The following SMYD3 variants were observed in gnomAD, a reference collection of about 807,000 sequenced individuals.
SMYD3 encodes the protein SET and MYND domain containing 3.
A neutral mutation model predicts 57.7 loss-of-function variants in SMYD3; 36 were observed. That is an observed-to-expected ratio of 0.62 (90% CI 0.48 to 0.82). The LOEUF is 0.82. Ranked by LOEUF, SMYD3 falls within the 40% of genes least tolerant of loss-of-function variation. SMYD3 has a pLI of 0.00. For synonymous variants in SMYD3, 211 were observed against 195.0 expected, an observed-to-expected ratio of 1.08 and a Z score of -0.68; for missense variants, 515 against 538.8, an observed-to-expected ratio of 0.96 and a Z score of 0.44.
intron 5 of SMYD3, among the ~76,000 whole-genome samples, chr1:246,208,582 T>C (rs12130834): frequency 0.39 from 59,372 of 151,932 alleles, 12,777 homozygotes; most frequent in East Asian, 0.79. Context: ...AACACGCAGC[T>C]CCTATTAGGG....
chr1:245,976,550 A>ATGTTATTGT (rs2058431936), intron 5 of SMYD3, among the ~76,000 whole-genome samples: 1 of 33,978 alleles, frequency 2.9e-5, no homozygotes, highest in Non-Finnish European at 6.9e-5. Flanking sequence ...TCTCTAGCCT[A>ATGTTATTGT]GGGAAAGCCA....
At chr1:245,814,852 A>C (rs2048705181) in intron 10 of SMYD3, among the ~76,000 whole-genome samples, 1 of 147,964 alleles carries the variant, frequency 6.8e-6, no homozygotes. Flanking sequence ...ATGCACGCAC[A>C]CACACGCAAG....
intron 5 of SMYD3, among the ~76,000 whole-genome samples, chr1:246,205,472 A>G (rs745543309): frequency 6.6e-5 from 10 of 152,180 alleles, no homozygotes; most frequent in Non-Finnish European, 1.3e-4. Flanking sequence ...ACTCTCATAC[A>G]TCTCTGCTTT....
Position 246,432,621 on chromosome 1 carries a change from C to T in SMYD3, c.164+74433G>A, listed in dbSNP as rs147260586. On this transcript the variant is annotated intron_variant, in intron 1 of 11. Transcript: ENST00000490107. ...GTTGAGTTTTAAATATACTGGAAGA[C>T]TTCTCTGTGTAACAGACTGTAAGAC... Among the ~76,000 whole-genome samples, 1,248 of 152,268 alleles carry T rather than the reference C, an allele frequency of 8.2e-3. 17 individuals are homozygous for T. Among genetic ancestry groups the T allele is most frequent in the African/African-American group, 0.029 (1,204 of 41,550 alleles).
chr1:245,999,722 T>C (rs1009731347), intron 5 of SMYD3, among the ~76,000 whole-genome samples: 2 of 152,204 alleles, frequency 1.3e-5, no homozygotes, highest in Non-Finnish European at 2.9e-5. Context: ...TGCATTCTTA[T>C]TTCAAAAGTC....
intron 2 of SMYD3, among the ~76,000 whole-genome samples, chr1:246,336,885 A>C (rs925163196): frequency 6.6e-6 from 1 of 152,230 alleles, no homozygotes. Context: ...CTTACAAGCA[A>C]GGCAAAAAAG....
At chr1:246,122,909 C>T (rs1255654921) in intron 5 of SMYD3, among the ~76,000 whole-genome samples, 1 of 152,192 alleles carries the variant, frequency 6.6e-6, no homozygotes, top group East Asian at 1.9e-4. Context: ...AATTTTAAAT[C>T]TATGGATCAC....
At chr1:246,214,033 A>G (rs1278017474) in intron 5 of SMYD3, among the ~76,000 whole-genome samples, 1 of 152,178 alleles carries the variant, frequency 6.6e-6, no homozygotes, top group Non-Finnish European at 1.5e-5. Context: ...AAAGATGGTC[A>G]TGGTTTAATA....
chr1:245,920,375 A>C (rs1558495585), intron 7 of SMYD3, among the ~76,000 whole-genome samples: 1 of 151,320 alleles, frequency 6.6e-6, no homozygotes, highest in East Asian at 1.9e-4. Flanking sequence ...TTTCATTTCT[A>C]GAATTCCGTG....
In SMYD3 at chr1:246,267,535, C is replaced by T. The variant is rs113255324; in HGVS notation, c.531+59666G>A. On this transcript the variant is annotated intron_variant, in intron 5 of 11. Transcript: ENST00000490107. ...CGTCCTCAAATGCCAGCAAACTGTT[C>T]CTGGTATATAGAAAACAGATCTTAT... Among the ~76,000 whole-genome samples, 673 of 152,304 alleles carry T rather than the reference C, an allele frequency of 4.4e-3. 4 individuals carry two copies. The highest frequency in any genetic ancestry group is 0.016 in the African/African-American group (648 of 41,562).
chr1:246,169,839 G>C (rs1288097965), intron 5 of SMYD3, among the ~76,000 whole-genome samples: 1 of 151,704 alleles, frequency 6.6e-6, no homozygotes, highest in Non-Finnish European at 1.5e-5. Flanking sequence ...AGGAGGTGAA[G>C]GTTGCAGAGA....
At chr1:246,141,574 T>C (rs987710638) in intron 5 of SMYD3, among the ~76,000 whole-genome samples, 2 of 152,174 alleles carry the variant, frequency 1.3e-5, no homozygotes, top group African/African-American at 2.4e-5. Flanking sequence ...ATAATGTCTA[T>C]TAAACATGTA....
intron 5 of SMYD3, among the ~76,000 whole-genome samples, chr1:246,208,867 A>G (rs539550009): frequency 2.0e-5 from 3 of 152,280 alleles, no homozygotes; most frequent in Admixed American, 6.5e-5. Context: ...AGTGTAAAGC[A>G]ACATTAAAAC....
At chr1:246,426,255 C>A (rs1197228157) in intron 1 of SMYD3, 1 of 152,108 alleles carries the variant, frequency 6.6e-6, no homozygotes, top group African/African-American at 2.4e-5. Flanking sequence ...ATTGAGAAAT[C>A]ATTTACATGC....
intron 5 of SMYD3, among the ~76,000 whole-genome samples, chr1:246,183,764 T>G (rs1040785216): frequency 3.9e-5 from 6 of 152,168 alleles, no homozygotes; most frequent in Non-Finnish European, 7.4e-5. Context: ...ACATTACAGA[T>G]GAGAAAGAAG....
intron 1 of SMYD3, among the ~76,000 whole-genome samples, chr1:246,473,290 T>C (rs2067984982): frequency 6.6e-6 from 1 of 152,226 alleles, no homozygotes; most frequent in African/African-American, 2.4e-5. Flanking sequence ...AAATAGCACT[T>C]CAGCAGTTTG....
intron 5 of SMYD3, among the ~76,000 whole-genome samples, chr1:246,072,264 T>C (rs1307871217): frequency 9.8e-5 from 14 of 142,988 alleles, no homozygotes; most frequent in Non-Finnish European, 9.6e-5. Context: ...TTCGTGTGCT[T>C]TCCACTGTGC....
chr1:246,406,553 G>A (rs936801197), intron 1 of SMYD3, among the ~76,000 whole-genome samples: 9 of 152,128 alleles, frequency 5.9e-5, no homozygotes, highest in Non-Finnish European at 1.2e-4. Flanking sequence ...CGCTCTTCTT[G>A]TAAGTCTCTC....
rs905320591 is a variant in SMYD3, at chr1:246,221,824, A to AGCCT, written c.531+105373_531+105376dup. ...CAGGCTGGTAGCATGAGCTGAGCGC[A>AGCCT]GCCTGCCAGGGCGAGTGGGTGGAAC... On this transcript the variant is annotated intron_variant, in intron 5 of 11. Transcript: ENST00000490107. Among the ~76,000 whole-genome samples the AGCCT allele has an allele frequency of 3.2e-4, 49 of 152,158 alleles. 1 individual carries two copies. The highest frequency in any genetic ancestry group is 6.5e-5 in the Admixed American group (1 of 15,282).
Sources: gnomAD v4.1 joint callset for allele counts (sites outside exome capture counted in the v4.1 genomes callset) on GRCh38, gnomAD v4.1.1 for gene constraint, MANE v1.5 for transcripts, NCBI Gene and HGNC (gene_info 2026-07-23, HGNC 2026-07-21) for gene names.